The following CCDC83 variants were observed in gnomAD, a reference collection of about 807,000 sequenced individuals.
CCDC83 encodes coiled-coil domain-containing protein 83.
Under a neutral mutation model 50.1 loss-of-function variants are expected in CCDC83, and 54 were observed. The ratio of observed to expected loss-of-function variants is 1.08; its 90% CI spans 0.87 to 1.35. The LOEUF (loss-of-function observed/expected upper bound fraction) is 1.35, where lower values mean the gene tolerates loss of function less well. Ranked by LOEUF, CCDC83 falls within the 40% of genes most tolerant of loss-of-function variation. The pLI is 0.00. For missense variants in CCDC83, 518 were observed against 473.9 expected (o/e 1.09, Z -0.86); for synonymous variants, 161 against 153.3 (o/e 1.05, Z -0.37).
Position 85,919,301 on chromosome 11 carries a change from A to C in CCDC83, c.1081-48A>C, listed in dbSNP as rs760798915. 3.3e-6 allele frequency: 5 copies of C among 1,519,464 alleles called. No individual in the cohort carries two copies. In the South Asian group the frequency reaches 6.4e-5, roughly 20 times the overall value. 94.1% of individuals were successfully genotyped at this position (1,519,464 alleles called of 1,614,324 possible). A position where few individuals can be genotyped will look rare whatever the true frequency, so the allele number is the denominator to read the frequency against. ...GAAAGCCTAATCTATCAAGCTGGTA[A>C]TTTGCTGAATCACCTCTCCTATTCT... On this transcript the variant is annotated intron_variant, in intron 10 of 10. Coordinates refer to ENST00000342404, the MANE Select transcript of CCDC83 (RefSeq NM_001286159.2).
At chr11:85,884,907 G>T (rs1434269702) in intron 4 of CCDC83, among the ~76,000 whole-genome samples, 2 of 152,176 alleles carry the variant, frequency 1.3e-5, no homozygotes, top group Middle Eastern at 3.2e-3. Flanking sequence ...TTTGTTAAGA[G>T]ATTTTAAATA....
rs549739609 is a variant in CCDC83, at chr11:85,910,116, T to A, written c.673-1165T>A. ...CTGCCCAGGGAGTCCCTGCTTAGTT[T>A]TCAGGATCCAGATTAAGTGTCATCT... On this transcript the variant is annotated intron_variant, in intron 7 of 10. Transcript: ENST00000342404. Among the ~76,000 whole-genome samples, 4 of 152,314 alleles carry A rather than the reference T, an allele frequency of 2.6e-5. No homozygotes were observed. The East Asian group carries it at 7.7e-4, about 29-fold the overall frequency.
intron 7 of CCDC83, 37 bp downstream of exon 7, chr11:85,899,052 TCTCA>T: frequency 6.7e-7 from 1 of 1,484,482 alleles, no homozygotes; most frequent in Non-Finnish European, 9.4e-7. Flanking sequence ...ATTTCTTCGT[TCTCA>T]TTTTTTTAAG....
In CCDC83 at chr11:85,919,149, G is replaced by A. The variant is rs190149191; in HGVS notation, c.1081-200G>A. 7.8e-4 allele frequency among the ~76,000 whole-genome samples: 118 copies of A among 152,170 alleles called. 1 individual carries two copies. Among genetic ancestry groups the A allele is most frequent in the African/African-American group, 2.7e-3 (114 of 41,478 alleles). ...CTTGCCTACTGTGTATGCCCTACTGGGTATATAAGTTTCCTGAGTATTTTG... is the reference window on the plus strand; with the variant it reads ...CTTGCCTACTGTGTATGCCCTACTGAGTATATAAGTTTCCTGAGTATTTTG... On this transcript the variant is annotated intron_variant, in intron 10 of 10. Coordinates refer to ENST00000342404, the MANE Select transcript of CCDC83 (RefSeq NM_001286159.2).
In CCDC83 at chr11:85,897,108, C is replaced by T. The variant is rs956849553; in HGVS notation, c.603+1724C>T. Among the ~76,000 whole-genome samples the T allele has an allele frequency of 3.3e-5, 5 of 152,164 alleles. No individual in the cohort carries two copies. The South Asian group carries it at 8.3e-4, about 25-fold the overall frequency. ...ATGGTGAAATCAACCATTAAGTAAT[C>T]GGACCATAGTTAGACGATTCAAAGT... On this transcript the variant is annotated intron_variant, in intron 6 of 10. Coordinates refer to ENST00000342404, the MANE Select transcript of CCDC83 (RefSeq NM_001286159.2).
rs10594256 is a variant in CCDC83, at chr11:85,895,264, C to CTTTT, written c.512-8_512-5dup. The CTTTT allele has an allele frequency of 6.4e-3, 2,330 of 362,360 alleles. 26 individuals are homozygous for CTTTT. Among genetic ancestry groups the CTTTT allele is most frequent in the Non-Finnish European group, 8.5e-3 (1,800 of 212,762 alleles). The allele number at this position is 362,360 out of a possible 1,614,324, so 22.4% of individuals were successfully genotyped here. ...CATGCTTGATAAGGCTTTTAATTTT[C>CTTTT]TTTTTTTTTTTTTTTTTTTTTTTTA... On this transcript the variant is annotated intron_variant, in intron 5 of 10. Coordinates refer to ENST00000342404, the MANE Select transcript of CCDC83 (RefSeq NM_001286159.2).
intron 7 of CCDC83, among the ~76,000 whole-genome samples, chr11:85,909,693 G>A (rs944328747): frequency 1.3e-4 from 17 of 130,928 alleles, no homozygotes; most frequent in African/African-American, 4.7e-4. Flanking sequence ...CGTGATCTCA[G>A]CTCACTGTGA....
chr11:85,857,461 G>A (rs1168628122), intron 1 of CCDC83, among the ~76,000 whole-genome samples: 1 of 152,112 alleles, frequency 6.6e-6, no homozygotes, highest in Non-Finnish European at 1.5e-5. Flanking sequence ...CCTCCTCAAC[G>A]TGATTCTGGA....
intron 4 of CCDC83, among the ~76,000 whole-genome samples, chr11:85,884,475 G>T (rs1482972601): frequency 6.6e-6 from 1 of 152,126 alleles, no homozygotes; most frequent in Non-Finnish European, 1.5e-5. Context: ...AAATACTGCT[G>T]CAACCCTTTT....
At chr11:85,907,892 C>T (rs2093432745) in intron 7 of CCDC83, among the ~76,000 whole-genome samples, 1 of 152,116 alleles carries the variant, frequency 6.6e-6, no homozygotes, top group Non-Finnish European at 1.5e-5. Flanking sequence ...CATGCCAGGC[C>T]CTTAGGTCAA....
chr11:85,912,628 A>G, intron 8 of CCDC83: 1 of 1,486,082 alleles, frequency 6.7e-7, no homozygotes, highest in Non-Finnish European at 9.4e-7. Context: ...CACTTTTGCC[A>G]GCCCTCCTCT....
At chr11:85,891,935 C>T (rs548780554) in intron 5 of CCDC83, among the ~76,000 whole-genome samples, 133 of 152,176 alleles carry the variant, frequency 8.7e-4, no homozygotes, top group Non-Finnish European at 1.6e-3. Context: ...CCCCCTGAAT[C>T]TGTGATTCAG....
At chr11:85,856,825 A>T (rs2093144202) in intron 1 of CCDC83, among the ~76,000 whole-genome samples, 1 of 152,250 alleles carries the variant, frequency 6.6e-6, no homozygotes, top group South Asian at 2.1e-4. Context: ...CAATATGAAA[A>T]GCGGTCTCAA....
At chr11:85,911,178 A>AG in intron 7 of CCDC83, 103 bp from the exon 8 acceptor site, 3 of 836,628 alleles carry the variant, frequency 3.6e-6, no homozygotes, top group Non-Finnish European at 4.8e-6. Flanking sequence ...TCTCAAATAA[A>AG]AAAAAAAAAA....
At chr11:85,908,551 T>TAGATAGATAGACAGATAGA (rs1554985151) in intron 7 of CCDC83, among the ~76,000 whole-genome samples, 2 of 137,532 alleles carry the variant, frequency 1.5e-5, no homozygotes, top group African/African-American at 5.5e-5. Flanking sequence ...GACTAGATGA[T>TAGATAGATAGACAGATAGA]TAGATAGATA....
chr11:85,905,306 A>G (rs941315232), intron 7 of CCDC83, among the ~76,000 whole-genome samples: 20 of 150,150 alleles, frequency 1.3e-4, no homozygotes, highest in African/African-American at 4.9e-4. Context: ...GCCGGGCGTG[A>G]TGGTGCATGC....
intron 8 of CCDC83, 36 bp from the exon 9 acceptor site, chr11:85,915,383 T>G (rs2093472949): frequency 6.9e-7 from 1 of 1,440,878 alleles, no homozygotes; most frequent in African/African-American, 1.4e-5. Flanking sequence ...CAATATTTAT[T>G]GACTGACAGA....
intron 2 of CCDC83, among the ~76,000 whole-genome samples, chr11:85,865,810 C>T (rs192861761): frequency 3.3e-4 from 50 of 151,938 alleles, no homozygotes; most frequent in African/African-American, 1.2e-3. Context: ...ATTGCTCAAA[C>T]CCAGGAGGCA....
chr11:85,910,452 A>C (rs780729486), intron 7 of CCDC83, among the ~76,000 whole-genome samples: 13 of 152,200 alleles, frequency 8.5e-5, no homozygotes, highest in Non-Finnish European at 1.6e-4. Flanking sequence ...AGAGAACATC[A>C]TTGTATTCTA....
Sources: gnomAD v4.1 joint callset for allele counts (sites outside exome capture counted in the v4.1 genomes callset) on GRCh38, gnomAD v4.1.1 for gene constraint, MANE v1.5 for transcripts, NCBI Gene and HGNC (gene_info 2026-07-23, HGNC 2026-07-21) for gene names.